Variants in MFSD2B observed in about 807,000 individuals in gnomAD.
The protein encoded by MFSD2B is MFSD2 lysolipid transporter B, sphingolipid.
In MFSD2B, 56 loss-of-function variants were observed where a neutral mutation model predicts 58.4. The observed-to-expected ratio is 0.96, with a 90% CI of 0.77 to 1.20. The LOEUF (loss-of-function observed/expected upper bound fraction) is 1.20, where lower values mean the gene tolerates loss of function less well. Ranked by LOEUF, MFSD2B falls within the 50% of genes most tolerant of loss-of-function variation. The pLI is 0.00. For missense variants in MFSD2B, 645 were observed against 667.6 expected (o/e 0.97, Z 0.37); for synonymous variants, 287 against 294.4 (o/e 0.97, Z 0.26).
rs1320870209 is a variant in MFSD2B, at chr2:24,012,169, C to CAAAAAAAAA, written c.97-1115_97-1114insAAAAAAAAA. On this transcript the variant is annotated intron_variant, in intron 1 of 13. Coordinates refer to ENST00000338315, the MANE Select transcript of MFSD2B (RefSeq NM_001346880.2). This position sits in a 1 kb window ranked among gnomAD's most constrained non-coding sequence, Gnocchi z 4.5. ...CAAACAAAACACACACACACACACA[C>CAAAAAAAAA]ACACACACACAAAAACAGACAAAAA... Among the ~76,000 whole-genome samples, 1 of 62,596 alleles carries CAAAAAAAAA rather than the reference C, an allele frequency of 1.6e-5. No homozygotes were observed. Among genetic ancestry groups the CAAAAAAAAA allele is most frequent in the African/African-American group, 4.0e-5 (1 of 25,246 alleles). The allele number at this position is 62,596 out of a possible 152,430, so 41.1% of individuals were successfully genotyped here.
Position 24,010,150 on chromosome 2 carries a change from C to T in MFSD2B, c.54C>T (p.His18=). Residue 18 remains histidine, a synonymous_variant, in exon 1 of 14, where the codon CAC becomes CAT. Coordinates refer to ENST00000338315, the MANE Select transcript of MFSD2B (RefSeq NM_001346880.2). Reference sequence around the variant, plus strand: ...AGGGGTCCCCGCAGCCGGAGCCGCACGCCCCAGAGCCCGGCCCGGGGAGCG... The same window carrying T: ...AGGGGTCCCCGCAGCCGGAGCCGCATGCCCCAGAGCCCGGCCCGGGGAGCG... The part of the protein sequence containing the change: ...AAKGSPQPEP[H]APEPGPGSAK... 1 of 1,457,844 alleles carries T rather than the reference C, an allele frequency of 6.9e-7. No homozygotes were observed. The highest frequency in any genetic ancestry group is 1.5e-5 in the African/African-American group (1 of 67,980). The allele number at this position is 1,457,844 out of a possible 1,614,324, so 90.3% of individuals were successfully genotyped here.
At position 24,022,312 on chromosome 2, in the gene MFSD2B, A is replaced by G. The variant is rs1662820690; in HGVS notation, c.895-121A>G. 7.4e-6 allele frequency: 6 copies of G among 807,078 alleles called. No homozygotes were observed. In the Admixed American group the frequency reaches 1.3e-4, roughly 17 times the overall value. The allele number at this position is 807,078 out of a possible 1,614,324, so 50.0% of individuals were successfully genotyped here. ...TGTCCTTTGTGGGGGAAGGGACTGT[A>G]TGATGGTAGCAGCAAGCCAAGGTCC... On this transcript the variant is annotated intron_variant, in intron 8 of 13. Transcript: ENST00000338315. This position sits in a 1 kb window ranked among gnomAD's most constrained non-coding sequence, Gnocchi z 4.5.
rs1452776185 is a variant in MFSD2B, at chr2:24,024,477, T to A, written c.1490+206T>A. 6.6e-6 allele frequency among the ~76,000 whole-genome samples: 1 copy of A among 152,140 alleles called. No individual in the cohort carries two copies. Among genetic ancestry groups the A allele is most frequent in the East Asian group, 1.9e-4 (1 of 5,192 alleles). On this transcript the variant is annotated intron_variant, in intron 13 of 13. Transcript: ENST00000338315. This position sits in a 1 kb window ranked among gnomAD's most constrained non-coding sequence, Gnocchi z 4.3. ...CAGTCTTCTTCCTTTGATCACCTGGTAGACTGTGGTATGTGAGGGCTCACT... is the reference window on the plus strand; with the variant it reads ...CAGTCTTCTTCCTTTGATCACCTGGAAGACTGTGGTATGTGAGGGCTCACT...
At chr2:24,019,284 C>T (rs1211940863) in intron 6 of MFSD2B, among the ~76,000 whole-genome samples, 3 of 152,182 alleles carry the variant, frequency 2.0e-5, no homozygotes, top group Non-Finnish European at 4.4e-5. Context: ...GGCCCTACCT[C>T]AGTCCTCTGA....
chr2:24,016,061 G>A, intron 2 of MFSD2B, 95 bp from the exon 3 acceptor site: 1 of 1,507,530 alleles, frequency 6.6e-7, no homozygotes, highest in South Asian at 1.1e-5. Context: ...TCCGGTCCCG[G>A]TTCCCAGGCC....
intron 6 of MFSD2B, among the ~76,000 whole-genome samples, chr2:24,019,142 C>T (rs925172535): frequency 6.6e-6 from 1 of 152,146 alleles, no homozygotes; most frequent in Non-Finnish European, 1.5e-5. Context: ...TGAGCCACCG[C>T]GCTCGACCTG....
Position 24,024,171 on chromosome 2 carries a change from G to T in MFSD2B, c.1390G>T (p.Val464Leu), listed in dbSNP as rs767282778. The T allele has an allele frequency of 3.1e-6, 5 of 1,613,874 alleles. No homozygotes were observed. Among genetic ancestry groups the T allele is most frequent in the Middle Eastern group, 1.6e-4 (1 of 6,062 alleles). Reference protein sequence around the residue: ...VVTLKVLIGAVPTCMILAGLC... With the variant: ...VVTLKVLIGALPTCMILAGLC... ...CACCCTCAAAGTCCTCATTGGCGCC[G>T]TGCCCACCTGCATGATCCTTGCTGG... Residue 464 changes from valine to leucine, a missense_variant, in exon 13 of 14, where the codon GTG (valine) becomes TTG (leucine). Coordinates refer to ENST00000338315, the MANE Select transcript of MFSD2B (RefSeq NM_001346880.2). This position sits in a 1 kb window ranked among gnomAD's most constrained non-coding sequence, Gnocchi z 4.3.
intron 2 of MFSD2B, among the ~76,000 whole-genome samples, chr2:24,014,509 A>G (rs550297626): frequency 1.3e-5 from 2 of 152,208 alleles, no homozygotes; most frequent in Non-Finnish European, 2.9e-5. Flanking sequence ...CTACACTAAC[A>G]TCACTATCAA....
intron 6 of MFSD2B, among the ~76,000 whole-genome samples, chr2:24,019,945 C>A (rs1662703667): frequency 6.6e-6 from 1 of 152,244 alleles, no homozygotes. Flanking sequence ...GCACTCACAT[C>A]TGCGCCCCCA....
intron 3 of MFSD2B, 92 bp from the exon 4 acceptor site, chr2:24,016,753 G>T (rs1709159062): frequency 3.3e-6 from 5 of 1,496,790 alleles, no homozygotes; most frequent in Non-Finnish European, 4.5e-6. Context: ...ATTCTCAAGG[G>T]GCAGAGAAGG....
rs963489418 is a variant in MFSD2B at position 24,010,285 on chromosome 2, G to T, written c.96+93G>T. On this transcript the variant is annotated intron_variant, in intron 1 of 13. Coordinates refer to ENST00000338315, the MANE Select transcript of MFSD2B (RefSeq NM_001346880.2). ...CCCCTTTTCCAGCTGGGGGCAGCCC[G>T]GAGGGGCTCGGCCCAAACCTGCCAG... 4.6e-5 allele frequency: 48 copies of T among 1,043,534 alleles called. 2 individuals are homozygous for T. Among genetic ancestry groups the T allele is most frequent in the Non-Finnish European group, 5.7e-5 (45 of 795,432 alleles). The allele number at this position is 1,043,534 out of a possible 1,614,324, so 64.6% of individuals were successfully genotyped here. A position where few individuals can be genotyped will look rare whatever the true frequency, so the allele number is the denominator to read the frequency against.
intron 2 of MFSD2B, among the ~76,000 whole-genome samples, chr2:24,014,641 T>C (rs1262203014): frequency 6.6e-6 from 1 of 152,122 alleles, no homozygotes; most frequent in Non-Finnish European, 1.5e-5. Flanking sequence ...ATGATCCCAT[T>C]TTAACAAAAC....
Position 24,016,176 on chromosome 2 carries a change from A to C in MFSD2B, c.243A>C (p.Ser81=), listed in dbSNP as rs766580413. The change falls in exon 3 of 14, where the codon TCA becomes TCC. Residue 81 remains serine (S), a synonymous_variant. Transcript: ENST00000338315. ...DIAQIPAAQV[S]LVLFGGKVSG... ...TTCAGATCCCTGCCGCCCAGGTGTC[A>C]CTTGTTCTGTTTGGGGGAAAAGTGT... 2.5e-6 allele frequency: 4 copies of C among 1,613,758 alleles called. No homozygotes were observed. The highest frequency in any genetic ancestry group is 3.4e-6 in the Non-Finnish European group (4 of 1,179,880).
Position 24,026,349 on chromosome 2 carries a change from C to T in MFSD2B, c.*893C>T, listed in dbSNP as rs753812591. On this transcript the variant is annotated 3_prime_UTR_variant, in exon 14 of 14. Transcript: ENST00000338315. ...CACAGAGCTTCTAAAATGCTAGTAA[C>T]TTCCTGAGTGGTAGGGGTGAGGGGA... is the stretch of plus-strand genomic sequence containing the variant. The T allele has an allele frequency of 1.3e-5, 2 of 152,184 alleles. No homozygotes were observed. The highest frequency in any genetic ancestry group is 2.4e-5 in the African/African-American group (1 of 41,444). The allele number at this position is 152,184 out of a possible 1,614,324, so 9.4% of individuals were successfully genotyped here.
chr2:24,020,909 C>CT lies in MFSD2B; in HGVS notation c.682-735dup, dbSNP rs111418803. 8.3e-3 allele frequency among the ~76,000 whole-genome samples: 1,251 copies of CT among 151,020 alleles called. 9 individuals are homozygous for CT. Among genetic ancestry groups the CT allele is most frequent in the South Asian group, 0.038 (183 of 4,762 alleles). Reference sequence around the variant, plus strand: ...TTTTTATTTTTATTTTTTATTTTTCCTTTTGAGATGAGAGTCTCGCTCTGT... The same window carrying CT: ...TTTTTATTTTTATTTTTTATTTTTCCTTTTTGAGATGAGAGTCTCGCTCTGT... On this transcript the variant is annotated intron_variant, in intron 6 of 13. Coordinates refer to ENST00000338315, the MANE Select transcript of MFSD2B (RefSeq NM_001346880.2). This position sits in a 1 kb window ranked among gnomAD's most constrained non-coding sequence, Gnocchi z 4.1.
chr2:24,019,039 TG>T (rs1662649873), intron 6 of MFSD2B, among the ~76,000 whole-genome samples: 1 of 151,990 alleles, frequency 6.6e-6, no homozygotes, highest in South Asian at 2.1e-4. Context: ...TTAGTAGAGA[TG>T]GGGTTTTGCC....
rs553329794 is a variant in MFSD2B, at chr2:24,016,903, C to G, written c.406C>G (p.Pro136Ala). The stretch of plus-strand genomic sequence containing the variant: ...CTACTTCTTCCTGTGGTTCCTGCCC[C>G]CCTTCACCAGCCTGCGAGGCCTCTG... The part of the protein sequence containing the change: ...LAYFFLWFLP[P>A]FTSLRGLWYT... Residue 136 changes from proline (P) to alanine (A), a missense_variant, in exon 4 of 14, where the codon CCC becomes GCC. Pro to Ala is a conservative substitution (Grantham distance 27). Transcript: ENST00000338315. The G allele has an allele frequency of 6.5e-5, 105 of 1,613,782 alleles. No homozygotes were observed. Among genetic ancestry groups the G allele is most frequent in the Non-Finnish European group, 8.6e-5 (101 of 1,179,866 alleles).
Position 24,023,301 on chromosome 2 carries a change from C to G in MFSD2B, c.1169+62C>G. On this transcript the variant is annotated intron_variant, in intron 11 of 13. Transcript: ENST00000338315. The surrounding 1 kb of genome is among the most constrained non-coding windows in gnomAD (Gnocchi z 5.0). ...TGGGTGTCACCTCCTTCATGTAAAC[C>G]TGCCGTCCCAGGCCCCCTGCACCCA... 1 of 1,397,570 alleles carries G rather than the reference C, an allele frequency of 7.2e-7. No homozygotes were observed. The highest frequency in any genetic ancestry group is 1.8e-4 in the Middle Eastern group (1 of 5,616). 86.6% of individuals were successfully genotyped at this position (1,397,570 alleles called of 1,614,324 possible). A position where few individuals can be genotyped will look rare whatever the true frequency, so the allele number is the denominator to read the frequency against.
At chr2:24,011,481 G>C (rs920281253) in intron 1 of MFSD2B, among the ~76,000 whole-genome samples, 3 of 152,184 alleles carry the variant, frequency 2.0e-5, no homozygotes, top group African/African-American at 7.2e-5. Flanking sequence ...GGAAGAGTGT[G>C]CAAAGTGTGA....
Sources: gnomAD v4.1 joint callset for allele counts (sites outside exome capture counted in the v4.1 genomes callset) on GRCh38, gnomAD v4.1.1 for gene constraint, Gnocchi (gnomAD v3.1) non-coding constraint, MANE v1.5 for transcripts, NCBI Gene and HGNC (gene_info 2026-07-23, HGNC 2026-07-21) for gene names.